The following PLAGL1 variants were observed in gnomAD, a reference collection of about 807,000 sequenced individuals.
The protein encoded by PLAGL1 is zinc finger protein PLAGL1.
Under a neutral mutation model 4.6 loss-of-function variants are expected in PLAGL1, and 1 was observed. The ratio of observed to expected loss-of-function variants is 0.22; its 90% CI spans 0.08 to 1.03. PLAGL1 has a LOEUF of 1.03. Among genes scored for constraint, PLAGL1 ranks in the 50% least tolerant of loss-of-function variants. The pLI is 0.58. For synonymous variants in PLAGL1, 240 were observed against 237.8 expected, an observed-to-expected ratio of 1.01 and a Z score of -0.08; for missense variants, 464 against 570.4, an observed-to-expected ratio of 0.81 and a Z score of 1.90.
chr6:143,946,014 T>C (rs924825527), intron 7 of PLAGL1, among the ~76,000 whole-genome samples: 1 of 151,544 alleles, frequency 6.6e-6, no homozygotes, highest in Non-Finnish European at 1.5e-5. Flanking sequence ...TTCAGCGCAG[T>C]TTACCATAGT....
chr6:143,943,982 TGCAGA>T (rs1325829061), intron 7 of PLAGL1, among the ~76,000 whole-genome samples: 1 of 152,212 alleles, frequency 6.6e-6, no homozygotes, highest in Non-Finnish European at 1.5e-5. Flanking sequence ...ATAACTAAAA[TGCAGA>T]GCATTACATG....
intron 1 of PLAGL1, among the ~76,000 whole-genome samples, chr6:144,047,049 G>A (rs1262083532): frequency 6.6e-6 from 1 of 152,180 alleles, no homozygotes; most frequent in Non-Finnish European, 1.5e-5. Flanking sequence ...TAAGACCATT[G>A]GAAAAGCACA....
Position 143,959,735 on chromosome 6 carries a change from C to A in PLAGL1, c.-325+734G>T, listed in dbSNP as rs775593753. ...TAAGTTTACTGCCCATCAGCATGGACTAATGACATACTGCAAGTAATACAC... is the reference window on the plus strand; with the variant it reads ...TAAGTTTACTGCCCATCAGCATGGAATAATGACATACTGCAAGTAATACAC... On this transcript the variant is annotated intron_variant, in intron 6 of 7. Coordinates refer to ENST00000674357, the MANE Select transcript of PLAGL1 (RefSeq NM_001317162.2). This position sits in a 1 kb window ranked among gnomAD's most constrained non-coding sequence, Gnocchi z 5.3. Among the ~76,000 whole-genome samples, 1 of 152,178 alleles carries A rather than the reference C, an allele frequency of 6.6e-6. No homozygotes were observed. The highest frequency in any genetic ancestry group is 1.5e-5 in the Non-Finnish European group (1 of 68,034).
rs895547962 is a variant in PLAGL1 at position 143,952,579 on chromosome 6, A to T, written c.-324-4119T>A. On this transcript the variant is annotated intron_variant, in intron 6 of 7. Transcript: ENST00000674357. This position sits in a 1 kb window ranked among gnomAD's most constrained non-coding sequence, Gnocchi z 6.1. ...GAGAGGATCAGACGGGAAGAAGAACATATATATATGGTAACAGCCAGGAAA... is the reference window on the plus strand; with the variant it reads ...GAGAGGATCAGACGGGAAGAAGAACTTATATATATGGTAACAGCCAGGAAA... Among the ~76,000 whole-genome samples the T allele has an allele frequency of 6.6e-6, 1 of 152,102 alleles. No individual in the cohort carries two copies. The highest frequency in any genetic ancestry group is 1.5e-5 in the Non-Finnish European group (1 of 68,026).
At chr6:143,981,929 G>A (rs1484047346) in intron 2 of PLAGL1, among the ~76,000 whole-genome samples, 1 of 152,136 alleles carries the variant, frequency 6.6e-6, no homozygotes, top group African/African-American at 2.4e-5. Context: ...TATATATGGT[G>A]GACTTGGTTT....
chr6:143,994,055 A>G lies in PLAGL1; in HGVS notation c.-583-8881T>C, dbSNP rs1046937358. On this transcript the variant is annotated intron_variant, in intron 1 of 7. Transcript: ENST00000674357. The surrounding 1 kb of genome is among the most constrained non-coding windows in gnomAD (Gnocchi z 4.3). The stretch of plus-strand genomic sequence containing the variant: ...ATGGCTAAGGAAAAAAAAAAAAAGA[A>G]AAGAACTCCCTAGGGGCAAGGCCAG... Among the ~76,000 whole-genome samples the G allele has an allele frequency of 6.6e-6, 1 of 152,012 alleles. No homozygotes were observed. Among genetic ancestry groups the G allele is most frequent in the African/African-American group, 2.4e-5 (1 of 41,416 alleles).
rs186922078 is a variant in PLAGL1 at position 144,053,163 on chromosome 6, C to T, written c.-151+11305G>A. Among the ~76,000 whole-genome samples, 1 of 152,286 alleles carries T rather than the reference C, an allele frequency of 6.6e-6. No individual in the cohort carries two copies. The highest frequency in any genetic ancestry group is 6.5e-5 in the Admixed American group (1 of 15,304). ...AATCAATCATTTTTTTTGAAATGGT[C>T]TCACTCTGTCGCCCAGGCTGGAGTG... On this transcript the variant is annotated intron_variant, in intron 1 of 3. Coordinates refer to the PLAGL1 transcript ENST00000437412. The surrounding 1 kb of genome is among the most constrained non-coding windows in gnomAD (Gnocchi z 4.0).
Position 144,022,621 on chromosome 6 carries a change from C to T in PLAGL1, c.-151+41847G>A, listed in dbSNP as rs1003668766. 6.6e-6 allele frequency among the ~76,000 whole-genome samples: 1 copy of T among 152,190 alleles called. No individual in the cohort carries two copies. The highest frequency in any genetic ancestry group is 2.4e-5 in the African/African-American group (1 of 41,440). The stretch of plus-strand genomic sequence containing the variant: ...ATCATGGGGACAGGTCTTTCCCATG[C>T]TGTTCTCACAATAGTGAATAAGTTT... On this transcript the variant is annotated intron_variant, in intron 1 of 3. Transcript: ENST00000437412. This position sits in a 1 kb window ranked among gnomAD's most constrained non-coding sequence, Gnocchi z 4.2.
chr6:144,049,966 G>A (rs535605775), intron 1 of PLAGL1, among the ~76,000 whole-genome samples: 9 of 152,262 alleles, frequency 5.9e-5, no homozygotes, highest in South Asian at 2.1e-4. Context: ...AAGATCCTTC[G>A]AAGCTGGAGA....
At position 143,961,637 on chromosome 6, in the gene PLAGL1, C is replaced by T. The variant is rs2128557087; in HGVS notation, c.-398-1095G>A. ...ATATTCCTTGTTTTGCTTGTATAAA[C>T]ACTTTACAAATCATCTTTATGGTCC... On this transcript the variant is annotated intron_variant, in intron 5 of 7. Coordinates refer to ENST00000674357, the MANE Select transcript of PLAGL1 (RefSeq NM_001317162.2). The surrounding 1 kb of genome is among the most constrained non-coding windows in gnomAD (Gnocchi z 6.5). Among the ~76,000 whole-genome samples the T allele has an allele frequency of 6.6e-6, 1 of 152,296 alleles. No homozygotes were observed. The highest frequency in any genetic ancestry group is 1.5e-5 in the Non-Finnish European group (1 of 68,022).
chr6:143,951,771 T>C (rs893450162), intron 6 of PLAGL1, among the ~76,000 whole-genome samples: 2 of 152,344 alleles, frequency 1.3e-5, no homozygotes, highest in Admixed American at 1.3e-4. Context: ...ACAAAGTCTC[T>C]CGTTTTTATG....
At position 143,940,871 on chromosome 6, in the gene PLAGL1, A is replaced by G. The variant is rs1402677277; in HGVS notation, c.*553T>C. 3 of 152,626 alleles carry G rather than the reference A, an allele frequency of 2.0e-5. No individual in the cohort carries two copies. The highest frequency in any genetic ancestry group is 4.4e-5 in the Non-Finnish European group (3 of 68,042). The allele number at this position is 152,626 out of a possible 1,614,324, so 9.5% of individuals were successfully genotyped here. On this transcript the variant is annotated 3_prime_UTR_variant, in exon 8 of 8. Coordinates refer to ENST00000674357, the MANE Select transcript of PLAGL1 (RefSeq NM_001317162.2). ...ATGCTTCTGTAAAATGGAGAACTCT[A>G]TTGCTCCACAAGAAAATGTATATGT...
intron 1 of PLAGL1, among the ~76,000 whole-genome samples, chr6:143,991,401 T>C (rs1436771272): frequency 6.6e-6 from 1 of 152,276 alleles, no homozygotes; most frequent in East Asian, 1.9e-4. Context: ...AACATGGCAC[T>C]GGGGGGCCGT....
chr6:143,946,390 G>A lies in PLAGL1; in HGVS notation c.152+1595C>T, dbSNP rs114144867. On this transcript the variant is annotated intron_variant, in intron 7 of 7. Coordinates refer to ENST00000674357, the MANE Select transcript of PLAGL1 (RefSeq NM_001317162.2). ...TGCAGCCAGCGCTGCTCTCATGTTT[G>A]GGTAAGGACGCTTACCCTCCGCACA... Among the ~76,000 whole-genome samples the A allele has an allele frequency of 6.8e-3, 1,030 of 152,260 alleles. 8 individuals are homozygous for A. Among genetic ancestry groups the A allele is most frequent in the African/African-American group, 0.024 (980 of 41,530 alleles).
chr6:143,981,117 G>A (rs1787839393), intron 2 of PLAGL1, among the ~76,000 whole-genome samples: 2 of 152,092 alleles, frequency 1.3e-5, no homozygotes, highest in South Asian at 4.1e-4. Flanking sequence ...GTCTTGAATG[G>A]CTTACTTTTA....
At chr6:144,007,402 A>G (rs1794475772) in intron 1 of PLAGL1, 1 of 152,214 alleles carries the variant, frequency 6.6e-6, no homozygotes, top group African/African-American at 2.4e-5. Context: ...TTCCTGGAAG[A>G]AGGAGGACCT....
At position 143,979,467 on chromosome 6, in the gene PLAGL1, T is replaced by A. The variant is rs572380613; in HGVS notation, c.-544+5668A>T. On this transcript the variant is annotated intron_variant, in intron 2 of 7. Transcript: ENST00000674357. This position sits in a 1 kb window ranked among gnomAD's most constrained non-coding sequence, Gnocchi z 4.6. ...TTTGAATTGATTATTTTTCTCTAGT[T>A]TTATCTCCTTTGGCTTATAACTATG... Among the ~76,000 whole-genome samples, 1 of 152,248 alleles carries A rather than the reference T, an allele frequency of 6.6e-6. No individual in the cohort carries two copies. The highest frequency in any genetic ancestry group is 1.9e-4 in the East Asian group (1 of 5,184).
intron 1 of PLAGL1, among the ~76,000 whole-genome samples, chr6:144,046,089 T>A (rs1015259284): frequency 1.3e-5 from 2 of 152,184 alleles, no homozygotes; most frequent in South Asian, 4.1e-4. Context: ...TCATCTAATC[T>A]TTTTTCAAGG....
rs534365996 is a variant in PLAGL1 at position 144,038,495 on chromosome 6, A to G, written c.-151+25973T>C. ...CATTAAGGCTAGCTATAGATTAATG[A>G]ATAGAATCAAGCACCCATAAATAAA... On this transcript the variant is annotated intron_variant, in intron 1 of 3. Coordinates refer to the PLAGL1 transcript ENST00000437412. 2.6e-5 allele frequency among the ~76,000 whole-genome samples: 4 copies of G among 152,356 alleles called. No homozygotes were observed. In the East Asian group the frequency reaches 7.7e-4, roughly 29 times the overall value.
Sources: gnomAD v4.1 joint callset for allele counts (sites outside exome capture counted in the v4.1 genomes callset) on GRCh38, gnomAD v4.1.1 for gene constraint, Gnocchi (gnomAD v3.1) non-coding constraint, MANE v1.5 for transcripts, NCBI Gene and HGNC (gene_info 2026-07-23, HGNC 2026-07-21) for gene names.